NLGN4Y: variants seen among roughly 807,000 people sequenced by gnomAD.
NLGN4Y encodes neuroligin-4, Y-linked.
A neutral mutation model predicts 8.4 loss-of-function variants in NLGN4Y; 4 were observed. That is an observed-to-expected ratio of 0.48 (90% CI 0.23 to 1.09). The LOEUF (loss-of-function observed/expected upper bound fraction) is 1.09, where lower values mean the gene tolerates loss of function less well. Among genes scored for constraint, NLGN4Y ranks in the 50% least tolerant of loss-of-function variants. NLGN4Y has a pLI of 0.19. For synonymous variants in NLGN4Y, 35 were observed against 75.6 expected (o/e 0.46, Z 2.78); for missense variants, 90 against 192.3 (o/e 0.47, Z 3.15).
At chrY:14,733,797 C>A in intron 4 of NLGN4Y, among the ~76,000 whole-genome samples, 1 of 32,733 alleles carries the variant, frequency 3.1e-5, no homozygotes, top group East Asian at 8.1e-4. Context: ...GGTGCAGGAG[C>A]CAAGATGAGC....
chrY:14,807,841 G>T, intron 4 of NLGN4Y, among the ~76,000 whole-genome samples: 1 of 33,483 alleles, frequency 3.0e-5, no homozygotes, highest in African/African-American at 1.2e-4. Context: ...TACCATAAGA[G>T]AACACATAAT....
intron 2 of NLGN4Y, among the ~76,000 whole-genome samples, chrY:14,691,917 T>A: frequency 6.0e-5 from 2 of 33,145 alleles, no homozygotes; most frequent in African/African-American, 2.3e-4. Context: ...CTGAGTAAAA[T>A]CTTATGTTGA....
chrY:14,756,381 C>G, intron 4 of NLGN4Y, among the ~76,000 whole-genome samples: 1 of 33,079 alleles, frequency 3.0e-5, no homozygotes, highest in Middle Eastern at 0.014. Context: ...TTCAAGAAAT[C>G]ATTCTCCTAT....
At chrY:14,816,865 A>G (rs752283867) in intron 4 of NLGN4Y, among the ~76,000 whole-genome samples, 40 of 33,446 alleles carry the variant, frequency 1.2e-3, no homozygotes, top group African/African-American at 4.4e-3. Flanking sequence ...AGGGCTGCAC[A>G]TGTGCATACT....
chrY:14,718,278 C>A (rs2080922840), intron 2 of NLGN4Y, among the ~76,000 whole-genome samples: 1 of 34,072 alleles, frequency 2.9e-5, no homozygotes, highest in East Asian at 7.6e-4. Context: ...ATATGTTTAA[C>A]CTCTTTTGAG....
intron 3 of NLGN4Y, among the ~76,000 whole-genome samples, chrY:14,721,775 TAC>T (rs776389790): frequency 0.027 from 698 of 26,261 alleles, no homozygotes; most frequent in South Asian, 0.087. Flanking sequence ...ATTATTTGTA[TAC>T]ACACACACAC....
At position 14,751,592 on chromosome Y, in the gene NLGN4Y, TAGAGTAC is replaced by T. The variant is rs2081041279; in HGVS notation, c.685+28324_685+28330del. The T allele has an allele frequency of 1.2e-4, 4 of 32,852 alleles. No homozygotes were observed. The East Asian group carries it at 3.1e-3, about 26-fold the overall frequency. 8.2% of individuals were successfully genotyped at this position (32,852 alleles called of 400,897 possible). A position where few individuals can be genotyped will look rare whatever the true frequency, so the allele number is the denominator to read the frequency against. ...TGTCTTCTTATTGTTTTATTTTGAT[TAGAGTAC>T]TTCATTGATTATGTATGTCACAAAT... On this transcript the variant is annotated intron_variant, in intron 4 of 6. Coordinates refer to ENST00000684976, the MANE Select transcript of NLGN4Y (RefSeq NM_001365588.1).
chrY:14,563,587 T>G, intron 1 of NLGN4Y, among the ~76,000 whole-genome samples: 1 of 33,539 alleles, frequency 3.0e-5, no homozygotes, highest in Non-Finnish European at 7.4e-5. Context: ...CTTCTTTTTC[T>G]GCTGTTTGGA....
At chrY:14,768,003 C>T (rs954101035) in intron 4 of NLGN4Y, among the ~76,000 whole-genome samples, 4 of 33,535 alleles carry the variant, frequency 1.2e-4, no homozygotes, top group African/African-American at 2.3e-4. Context: ...GGCAGAGAAG[C>T]TACAAATAGA....
At chrY:14,756,346 A>C in intron 4 of NLGN4Y, among the ~76,000 whole-genome samples, 1 of 33,457 alleles carries the variant, frequency 3.0e-5, no homozygotes, top group South Asian at 6.6e-4. Context: ...TTCTCGTTGA[A>C]TTTTAATTTT....
intron 1 of NLGN4Y, among the ~76,000 whole-genome samples, chrY:14,589,564 C>A: frequency 3.1e-5 from 1 of 32,736 alleles, no homozygotes; most frequent in African/African-American, 1.2e-4. Flanking sequence ...TATAAAGACT[C>A]TCCACGTCCT....
chrY:14,638,981 T>C (rs2080579035), intron 2 of NLGN4Y: 1 of 40,911 alleles, frequency 2.4e-5, no homozygotes, highest in African/African-American at 1.1e-4. Flanking sequence ...TTCAGATGAG[T>C]TCATACTGTG....
At chrY:14,608,979 G>C in intron 1 of NLGN4Y, among the ~76,000 whole-genome samples, 3 of 32,631 alleles carry the variant, frequency 9.2e-5, no homozygotes, top group African/African-American at 3.6e-4. Flanking sequence ...TAGCAACTGT[G>C]AATGGGAGTT....
chrY:14,689,371 G>A, intron 2 of NLGN4Y, among the ~76,000 whole-genome samples: 1 of 32,819 alleles, frequency 3.0e-5, no homozygotes, highest in Non-Finnish European at 7.5e-5. Context: ...CCAGTTAGGG[G>A]CAGGGCAATA....
At chrY:14,766,338 A>G (rs2081093453) in intron 4 of NLGN4Y, among the ~76,000 whole-genome samples, 1 of 33,602 alleles carries the variant, frequency 3.0e-5, no homozygotes, top group Non-Finnish European at 7.4e-5. Context: ...TAAAAATAAG[A>G]TTCTCCTACC....
chrY:14,719,468 T>C lies in NLGN4Y; in HGVS notation c.482T>C (p.Ile161Thr). The C allele has an allele frequency of 5.7e-6, 2 of 348,224 alleles. No homozygotes were observed. The highest frequency in any genetic ancestry group is 4.0e-6 in the Non-Finnish European group (1 of 250,869). 86.9% of individuals were successfully genotyped at this position (348,224 alleles called of 400,897 possible). A position where few individuals can be genotyped will look rare whatever the true frequency, so the allele number is the denominator to read the frequency against. The change falls in exon 3 of 7, where the codon ATA becomes ACA. Residue 161 changes from isoleucine (I) to threonine (T), a missense_variant. By Grantham distance (89) the Ile-to-Thr change is moderately conservative. Around this residue, in one of 4 missense-constraint regions of NLGN4Y, gnomAD observed 37 missense variants for 38.5 expected, o/e 0.96. Coordinates refer to ENST00000684976, the MANE Select transcript of NLGN4Y (RefSeq NM_001365588.1). Reference protein sequence around the residue: ...IYVPMEDGTNIKRNADDITSN... With the variant: ...IYVPMEDGTNTKRNADDITSN... The stretch of plus-strand genomic sequence containing the variant: ...TTCAATATCACCCCAGGAACCAACA[T>C]AAAGAGAAATGCAGACGATATAACC...
At chrY:14,599,229 T>C (rs2150497394) in intron 1 of NLGN4Y, among the ~76,000 whole-genome samples, 2 of 28,586 alleles carry the variant, frequency 7.0e-5, no homozygotes, top group Admixed American at 3.6e-4. Flanking sequence ...TGTGTGTCCA[T>C]ATATATATAT....
At chrY:14,807,946 T>A in intron 4 of NLGN4Y, among the ~76,000 whole-genome samples, 1 of 33,812 alleles carries the variant, frequency 3.0e-5, no homozygotes, top group Non-Finnish European at 7.4e-5. Flanking sequence ...TTGAAGAACA[T>A]TTATTTGTTC....
At chrY:14,816,892 G>A in intron 4 of NLGN4Y, among the ~76,000 whole-genome samples, 2 of 33,858 alleles carry the variant, frequency 5.9e-5, no homozygotes, top group East Asian at 1.6e-3. Context: ...AAAGTCTCAA[G>A]GAGTAGCACC....
Sources: gnomAD v4.1 joint callset for allele counts (sites outside exome capture counted in the v4.1 genomes callset) on GRCh38, gnomAD v4.1.1 for gene constraint, gnomAD v4.1.1 regional missense constraint, MANE v1.5 for transcripts, NCBI Gene and HGNC (gene_info 2026-07-23, HGNC 2026-07-21) for gene names.